Variants in IBSP observed in about 807,000 individuals in gnomAD.
IBSP encodes integrin binding sialoprotein, also known as integrin-binding sialoprotein.
A neutral mutation model predicts 25.5 loss-of-function variants in IBSP; 19 were observed. The observed-to-expected ratio is 0.74, with a 90% CI of 0.52 to 1.09. IBSP has a LOEUF of 1.09. Among genes scored for constraint, IBSP ranks in the 50% least tolerant of loss-of-function variants. The pLI is 0.00. For missense variants in IBSP, 360 were observed against 382.3 expected (o/e 0.94, Z 0.49); for synonymous variants, 144 against 137.6 (o/e 1.05, Z -0.33).
intron 4 of IBSP, among the ~76,000 whole-genome samples, chr4:87,804,211 C>A (rs574954183): frequency 2.6e-5 from 4 of 152,234 alleles, no homozygotes; most frequent in Non-Finnish European, 5.9e-5. Context: ...GTATTCATGA[C>A]CCATTCTTCT....
Position 87,802,721 on chromosome 4 carries a change from T to C in IBSP, c.173T>C (p.Phe58Ser). Residue 58 changes from phenylalanine (F) to serine (S), a missense_variant, in exon 4 of 7, where the codon TTT (phenylalanine) becomes TCT (serine). By Grantham distance (155) the Phe-to-Ser change is radical (BLOSUM62 -2). Transcript: ENST00000226284. ...TACTTTTATCCTCATTTAAAACGAT[T>C]TCCAGTTCAGGTAAATATAGAAATT... ...HAYFYPHLKRFPVQGSSDSSE... is the reference protein window; with the variant it reads ...HAYFYPHLKRSPVQGSSDSSE... 2 of 1,544,250 alleles carry C rather than the reference T, an allele frequency of 1.3e-6. No homozygotes were observed. The highest frequency in any genetic ancestry group is 1.7e-6 in the Non-Finnish European group (2 of 1,153,634).
intron 5 of IBSP, among the ~76,000 whole-genome samples, chr4:87,809,237 A>G (rs1051252132): frequency 2.0e-5 from 3 of 152,208 alleles, no homozygotes; most frequent in Non-Finnish European, 4.4e-5. Flanking sequence ...CTATTTTCCT[A>G]TGTAACTCAT....
chr4:87,809,508 T>C (rs1434214302), intron 5 of IBSP, among the ~76,000 whole-genome samples: 1 of 88,860 alleles, frequency 1.1e-5, no homozygotes, highest in South Asian at 3.1e-4. Flanking sequence ...AGCATAAACA[T>C]AAAACAATAA....
At chr4:87,803,977 T>A (rs1441787997) in intron 4 of IBSP, among the ~76,000 whole-genome samples, 2 of 152,198 alleles carry the variant, frequency 1.3e-5, no homozygotes, top group African/African-American at 4.8e-5. Flanking sequence ...TAGATATGTA[T>A]GTATGGGCCC....
chr4:87,803,469 G>A, intron 4 of IBSP, among the ~76,000 whole-genome samples: 1 of 152,102 alleles, frequency 6.6e-6, no homozygotes, highest in Non-Finnish European at 1.5e-5. Flanking sequence ...CAGAGGGTGT[G>A]GTGTTGATTT....
intron 4 of IBSP, among the ~76,000 whole-genome samples, chr4:87,804,544 A>T (rs1183760140): frequency 1.3e-5 from 2 of 152,208 alleles, no homozygotes; most frequent in Admixed American, 1.3e-4. Context: ...AGTTGAACTC[A>T]TAGAAGGTAA....
Position 87,811,803 on chromosome 4 carries a change from G to T in IBSP, c.847G>T (p.Gly283Trp). 6.2e-7 allele frequency: 1 copy of T among 1,612,872 alleles called. No homozygotes were observed. The highest frequency in any genetic ancestry group is 8.5e-7 in the Non-Finnish European group (1 of 1,179,434). The change falls in exon 7 of 7, where the codon GGG becomes TGG. Residue 283 changes from glycine to tryptophan, a missense_variant. Transcript: ENST00000226284. ...NGYEIYESEN[G>W]EPRGDNYRAY... ...ATATGAAATCTATGAAAGTGAGAAC[G>T]GGGAACCTCGTGGGGACAATTACCG... is the stretch of plus-strand genomic sequence containing the variant.
chr4:87,811,305 C>G (rs1722166795), intron 6 of IBSP, 57 bp from the exon 7 acceptor site: 1 of 1,538,952 alleles, frequency 6.5e-7, no homozygotes, highest in African/African-American at 1.4e-5. Flanking sequence ...AAATGACGGC[C>G]TTAAATTTTA....
Position 87,804,868 on chromosome 4 carries a change from C to G in IBSP, c.184-1254C>G, listed in dbSNP as rs552463625. ...AGCATGTGAAGTGATTGAAATACCC[C>G]CACTGAGAGAAACAGTTCTGATTGC... On this transcript the variant is annotated intron_variant, in intron 4 of 6. Transcript: ENST00000226284. Among the ~76,000 whole-genome samples, 7 of 152,198 alleles carry G rather than the reference C, an allele frequency of 4.6e-5. 1 individual carries two copies. In the East Asian group the frequency reaches 5.8e-4, roughly 13 times the overall value.
chr4:87,811,699 C>T lies in IBSP; in HGVS notation c.743C>T (p.Ser248Phe), dbSNP rs1560528555. 1.9e-6 allele frequency: 3 copies of T among 1,614,016 alleles called. No homozygotes were observed. The highest frequency in any genetic ancestry group is 1.3e-5 in the African/African-American group (1 of 75,002). Residue 248 changes from serine (S) to phenylalanine (F), a missense_variant, in exon 7 of 7, where the codon TCC becomes TTC. Physicochemically the swap from Ser to Phe is radical, Grantham distance 155. Transcript: ENST00000226284. Reference sequence around the variant, plus strand: ...CCACCACAAGTCTATAGAACCACTTCCCCACCTTTTGGGAAAACCACCACC... The same window carrying T: ...CCACCACAAGTCTATAGAACCACTTTCCCACCTTTTGGGAAAACCACCACC... Reference protein sequence around the residue: ...TTPPQVYRTTSPPFGKTTTVE... With the variant: ...TTPPQVYRTTFPPFGKTTTVE...
At chr4:87,803,585 C>A (rs1722052538) in intron 4 of IBSP, among the ~76,000 whole-genome samples, 1 of 152,130 alleles carries the variant, frequency 6.6e-6, no homozygotes, top group Non-Finnish European at 1.5e-5. Context: ...ACACTAAAAG[C>A]AGTCAGGATG....
Position 87,811,961 on chromosome 4 carries a change from A to G in IBSP, c.*51A>G. ...CATTCTGGCTTTGCATCCGGCTACC[A>G]TTTTCGAAGTTCAACTCAGGAAGGT... On this transcript the variant is annotated 3_prime_UTR_variant, in exon 7 of 7. Transcript: ENST00000226284. The G allele has an allele frequency of 7.0e-7, 1 of 1,433,718 alleles. No individual in the cohort carries two copies. The highest frequency in any genetic ancestry group is 9.4e-7 in the Non-Finnish European group (1 of 1,064,488). The allele number at this position is 1,433,718 out of a possible 1,614,324, so 88.8% of individuals were successfully genotyped here. A position where few individuals can be genotyped will look rare whatever the true frequency, so the allele number is the denominator to read the frequency against.
In IBSP at chr4:87,803,077, G is replaced by A. The variant is rs1466618363; in HGVS notation, c.183+346G>A. Among the ~76,000 whole-genome samples the A allele has an allele frequency of 2.0e-5, 3 of 152,182 alleles. No individual in the cohort carries two copies. The East Asian group carries it at 5.8e-4, about 29-fold the overall frequency. On this transcript the variant is annotated intron_variant, in intron 4 of 6. Coordinates refer to ENST00000226284, the MANE Select transcript of IBSP (RefSeq NM_004967.4). ...CAATTCCATCAGTGATAAGGTCACT[G>A]GCTGTCCTATTACAGCTGATTCAAT...
intron 4 of IBSP, among the ~76,000 whole-genome samples, 182 bp downstream of exon 4, chr4:87,802,913 CAT>C (rs1578042523): frequency 6.6e-6 from 1 of 152,134 alleles, no homozygotes; most frequent in East Asian, 1.9e-4. Flanking sequence ...TTAAGGCAGA[CAT>C]ATACACAGAG....
chr4:87,800,969 A>G (rs1198569803), intron 1 of IBSP, among the ~76,000 whole-genome samples: 1 of 152,178 alleles, frequency 6.6e-6, no homozygotes, highest in African/African-American at 2.4e-5. Flanking sequence ...TGTAAATGTA[A>G]ATGGCTGAGT....
In IBSP at chr4:87,811,912, G is replaced by C; in HGVS notation, c.*2G>C. 2 of 1,513,698 alleles carry C rather than the reference G, an allele frequency of 1.3e-6. No individual in the cohort carries two copies. Among genetic ancestry groups the C allele is most frequent in the Non-Finnish European group, 1.8e-6 (2 of 1,132,228 alleles). The allele number at this position is 1,513,698 out of a possible 1,614,324, so 93.8% of individuals were successfully genotyped here. A position where few individuals can be genotyped will look rare whatever the true frequency, so the allele number is the denominator to read the frequency against. On this transcript the variant is annotated 3_prime_UTR_variant, in exon 7 of 7. Coordinates refer to ENST00000226284, the MANE Select transcript of IBSP (RefSeq NM_004967.4). ...CAGAATTACTACCACCACCAGTGAA[G>C]CTCCAGCCTGGGATGAATTCATCCA...
At chr4:87,800,172 C>T (rs1292930505) in intron 1 of IBSP, among the ~76,000 whole-genome samples, 1 of 152,092 alleles carries the variant, frequency 6.6e-6, no homozygotes, top group Admixed American at 6.6e-5. Context: ...GAAATTAAAT[C>T]CTCAAAATTC....
Position 87,812,025 on chromosome 4 carries a change from A to G in IBSP, c.*115A>G. 1.3e-6 allele frequency: 1 copy of G among 787,230 alleles called. No homozygotes were observed. The highest frequency in any genetic ancestry group is 1.9e-6 in the Non-Finnish European group (1 of 514,310). 48.8% of individuals were successfully genotyped at this position (787,230 alleles called of 1,614,324 possible). ...TGTGCATATTATAATGAGGAATGGT[A>G]CTACCGTTCCAGATTTTCTGTAATT... is the stretch of plus-strand genomic sequence containing the variant. On this transcript the variant is annotated 3_prime_UTR_variant, in exon 7 of 7. Transcript: ENST00000226284.
At chr4:87,810,362 A>G (rs1438890983) in intron 5 of IBSP, among the ~76,000 whole-genome samples, 1 of 152,270 alleles carries the variant, frequency 6.6e-6, no homozygotes, top group Non-Finnish European at 1.5e-5. Flanking sequence ...AATTGATAAA[A>G]TACAAAGCAG....
Sources: allele counts gnomAD v4.1 joint callset (sites outside exome capture counted in the v4.1 genomes callset), GRCh38; gene constraint gnomAD v4.1.1; transcripts MANE v1.5; gene names NCBI Gene and HGNC (gene_info 2026-07-23, HGNC 2026-07-21).